C8orf90: variants seen among roughly 807,000 people sequenced by gnomAD.
The protein encoded by C8orf90 is uncharacterized protein C8orf90.
the C8orf90 span, chr8:141,518,469 C>T: frequency 6.2e-6 from 4 of 649,282 alleles, no homozygotes; most frequent in African/African-American, 5.7e-5. Flanking sequence ...TGCTGCGCGG[C>T]CCCGGAGCTT....
At chr8:141,514,794 C>T in the C8orf90 span, 1,688 of 698,678 alleles carry the variant, frequency 2.4e-3, 16 homozygotes, top group African/African-American at 0.024. Context: ...GGGGAATGGA[C>T]GGGAAGGGGG....
chr8:141,516,791 G>A, the C8orf90 span, among the ~76,000 whole-genome samples: 1 of 152,162 alleles, frequency 6.6e-6, no homozygotes. Flanking sequence ...CCAGCATGGC[G>A]CTGTCCACGG....
the C8orf90 span, chr8:141,518,332 G>C: frequency 5.9e-6 from 4 of 672,814 alleles, no homozygotes; most frequent in Non-Finnish European, 1.1e-5. Context: ...CAAGCAGGAC[G>C]ACTTCGCCAT....
chr8:141,518,495 T>G, the C8orf90 span: 2 of 624,464 alleles, frequency 3.2e-6, no homozygotes, highest in South Asian at 3.4e-5. Flanking sequence ...CCAGCGCTGC[T>G]GCGGCCCCTG....
At chr8:141,517,811 G>A in the C8orf90 span, among the ~76,000 whole-genome samples, 1 of 152,174 alleles carries the variant, frequency 6.6e-6, no homozygotes, top group Admixed American at 6.5e-5. Context: ...TCAACTGAGA[G>A]TGACTGCTTC....
At chr8:141,518,179 C>A in the C8orf90 span, 1 of 541,712 alleles carries the variant, frequency 1.8e-6, no homozygotes, top group Non-Finnish European at 3.2e-6. Context: ...CGGCCCTCCC[C>A]GCCCTGCCGG....
the C8orf90 span, among the ~76,000 whole-genome samples, chr8:141,515,688 A>G: frequency 6.6e-6 from 1 of 150,790 alleles, no homozygotes; most frequent in African/African-American, 2.4e-5. Context: ...ACCCCTCCTC[A>G]CATCTTTGCC....
At chr8:141,514,912 T>C in the C8orf90 span, 2 of 611,152 alleles carry the variant, frequency 3.3e-6, no homozygotes, top group Non-Finnish European at 5.9e-6. Context: ...GCAGTGGGGC[T>C]GGGCCAGGAT....
the C8orf90 span, chr8:141,518,499 G>A: frequency 3.3e-6 from 2 of 615,344 alleles, no homozygotes; most frequent in South Asian, 1.8e-5. Context: ...CGCTGCTGCG[G>A]CCCCTGCACG....
At chr8:141,516,302 C>T in the C8orf90 span, among the ~76,000 whole-genome samples, 3 of 152,338 alleles carry the variant, frequency 2.0e-5, no homozygotes, top group Non-Finnish European at 4.4e-5. Context: ...CATTCAGAGC[C>T]GAACCTCAGG....
chr8:141,516,284 C>G, the C8orf90 span, among the ~76,000 whole-genome samples: 6 of 152,230 alleles, frequency 3.9e-5, no homozygotes, highest in Admixed American at 6.5e-5. Flanking sequence ...CCCTACTTCT[C>G]TGCTCCACAT....
chr8:141,514,828 A>G, the C8orf90 span: 6 of 689,432 alleles, frequency 8.7e-6, no homozygotes, highest in African/African-American at 1.1e-4. Flanking sequence ...GGCTCTGAGA[A>G]TGTGGGAGCA....
the C8orf90 span, chr8:141,514,847 C>T: frequency 1.5e-6 from 1 of 671,082 alleles, no homozygotes; most frequent in South Asian, 1.6e-5. Context: ...CAGGAAGCGG[C>T]CCTCTGACCC....
chr8:141,514,921 A>G, the C8orf90 span: 3 of 609,060 alleles, frequency 4.9e-6, no homozygotes, highest in Admixed American at 5.2e-5. Flanking sequence ...CTGGGCCAGG[A>G]TGGGGGCATG....
the C8orf90 span, chr8:141,514,898 A>C: frequency 1.6e-6 from 1 of 617,994 alleles, no homozygotes; most frequent in Non-Finnish European, 2.9e-6. Flanking sequence ...CATGAAGGAG[A>C]GTGGCAGTGG....
the C8orf90 span, chr8:141,518,482 C>T: frequency 3.1e-6 from 2 of 638,602 alleles, no homozygotes; most frequent in South Asian, 1.6e-5. Flanking sequence ...CGGAGCTTCG[C>T]CCCCAGCGCT....
chr8:141,517,928 T>C, the C8orf90 span, among the ~76,000 whole-genome samples: 1 of 152,284 alleles, frequency 6.6e-6, no homozygotes, highest in East Asian at 1.9e-4. Context: ...CTCCTCGCCA[T>C]CGGGAAGGCT....
chr8:141,516,282 C>A, the C8orf90 span, among the ~76,000 whole-genome samples: 1 of 152,232 alleles, frequency 6.6e-6, no homozygotes, highest in Non-Finnish European at 1.5e-5. Context: ...TGCCCTACTT[C>A]TCTGCTCCAC....
the C8orf90 span, among the ~76,000 whole-genome samples, chr8:141,516,049 G>A: frequency 2.2e-4 from 33 of 152,250 alleles, 1 homozygote; most frequent in East Asian, 5.4e-3. Context: ...GGCATTGGGC[G>A]CTGTCCACCC....
Sources: gnomAD v4.1 joint callset for allele counts (sites outside exome capture counted in the v4.1 genomes callset) on GRCh38, gnomAD v4.1.1 for gene constraint, MANE v1.5 for transcripts, NCBI Gene and HGNC (gene_info 2026-07-23, HGNC 2026-07-21) for gene names.